SCARA3: variants seen among roughly 807,000 people sequenced by gnomAD.
SCARA3 encodes the protein cellular stress response gene protein.
A neutral mutation model predicts 47.0 loss-of-function variants in SCARA3; 39 were observed. The observed-to-expected ratio is 0.83, with a 90% CI of 0.64 to 1.08. The LOEUF (loss-of-function observed/expected upper bound fraction) is 1.08. Among genes scored for constraint, SCARA3 ranks in the 50% least tolerant of loss-of-function variants. SCARA3 has a pLI of 0.00. For synonymous variants in SCARA3, 356 were observed against 334.1 expected, an observed-to-expected ratio of 1.07 and a Z score of -0.71; for missense variants, 724 against 792.3, an observed-to-expected ratio of 0.91 and a Z score of 1.04.
intron 5 of SCARA3, among the ~76,000 whole-genome samples, chr8:27,660,573 G>A (rs1475754111): frequency 1.3e-5 from 2 of 150,752 alleles, no homozygotes; most frequent in Non-Finnish European, 2.9e-5. Context: ...TAGATAGATA[G>A]ATGATAGATA....
chr8:27,671,930 G>C lies in SCARA3; in HGVS notation c.*579G>C. ...CCCTCTCCTGTGACTGAGCCTGCCAGGGAGGCAGCTACCTCGGGAGGAAGG... is the reference window on the plus strand; with the variant it reads ...CCCTCTCCTGTGACTGAGCCTGCCACGGAGGCAGCTACCTCGGGAGGAAGG... On this transcript the variant is annotated 3_prime_UTR_variant, in exon 6 of 6. Transcript: ENST00000301904. 1 of 985,418 alleles carries C rather than the reference G, an allele frequency of 1.0e-6. No homozygotes were observed. Among genetic ancestry groups the C allele is most frequent in the Non-Finnish European group, 1.2e-6 (1 of 829,936 alleles). The allele number at this position is 985,418 out of a possible 1,614,324, so 61.0% of individuals were successfully genotyped here. A position where few individuals can be genotyped will look rare whatever the true frequency, so the allele number is the denominator to read the frequency against.
intron 4 of SCARA3, among the ~76,000 whole-genome samples, chr8:27,657,390 G>C (rs1332281685): frequency 2.7e-5 from 4 of 149,796 alleles, no homozygotes; most frequent in Non-Finnish European, 1.5e-5. Flanking sequence ...GTGACACTGA[G>C]GTTTGGGGGG....
the SCARA3 span, chr8:27,702,006 T>C: frequency 1.3e-5 from 2 of 152,344 alleles, no homozygotes; most frequent in South Asian, 2.1e-4. Context: ...GGGTGATGTA[T>C]GCTCAGTAAA....
the SCARA3 span, among the ~76,000 whole-genome samples, chr8:27,711,658 G>A: frequency 2.0e-5 from 3 of 152,052 alleles, no homozygotes; most frequent in Non-Finnish European, 2.9e-5. Context: ...CTCTTTGATG[G>A]ACAGAGCTAG....
chr8:27,692,881 T>A, the SCARA3 span, among the ~76,000 whole-genome samples: 4 of 152,088 alleles, frequency 2.6e-5, no homozygotes, highest in Admixed American at 6.5e-5. Flanking sequence ...TCCCAGCACC[T>A]TGAGAGGCCA....
chr8:27,643,507 C>T (rs1478093765), intron 1 of SCARA3, among the ~76,000 whole-genome samples: 2 of 152,114 alleles, frequency 1.3e-5, no homozygotes, highest in Non-Finnish European at 2.9e-5. Context: ...AGCGGGCAGG[C>T]GGATTCCCAA....
intron 2 of SCARA3, among the ~76,000 whole-genome samples, chr8:27,650,955 G>GCTCAAGTGATCCCCCTGC (rs1801618314): frequency 6.6e-6 from 1 of 152,082 alleles, no homozygotes; most frequent in African/African-American, 2.4e-5. Flanking sequence ...AAACTCCTGG[G>GCTCAAGTGATCCCCCTGC]CTCAAGTGAT....
At chr8:27,667,225 C>G (rs1309982243) in intron 5 of SCARA3, among the ~76,000 whole-genome samples, 1 of 152,242 alleles carries the variant, frequency 6.6e-6, no homozygotes, top group East Asian at 1.9e-4. Context: ...GACTTCCTCC[C>G]TAGCCAGACC....
At chr8:27,711,886 T>G in the SCARA3 span, among the ~76,000 whole-genome samples, 1 of 152,184 alleles carries the variant, frequency 6.6e-6, no homozygotes, top group African/African-American at 2.4e-5. Flanking sequence ...GTGTTTGTTA[T>G]AATTGATAAA....
the SCARA3 span, chr8:27,703,310 G>A: frequency 3.9e-5 from 6 of 152,656 alleles, no homozygotes; most frequent in South Asian, 2.1e-4. Flanking sequence ...CCAGGGATTC[G>A]TGCTGGGGGC....
At chr8:27,661,849 C>G (rs953617030) in intron 5 of SCARA3, among the ~76,000 whole-genome samples, 15 of 152,208 alleles carry the variant, frequency 9.9e-5, no homozygotes, top group African/African-American at 3.4e-4. Context: ...TCACCTTACT[C>G]ACAGGACATG....
At chr8:27,667,724 A>G (rs1052016339) in intron 5 of SCARA3, among the ~76,000 whole-genome samples, 16 of 152,172 alleles carry the variant, frequency 1.1e-4, no homozygotes, top group African/African-American at 3.4e-4. Context: ...GGGAGATTCA[A>G]GAAGGCATGG....
chr8:27,700,849 T>C, the SCARA3 span, among the ~76,000 whole-genome samples: 1 of 152,204 alleles, frequency 6.6e-6, no homozygotes, highest in African/African-American at 2.4e-5. Flanking sequence ...TGTGAAGTGG[T>C]ACAACCCTTT....
the SCARA3 span, among the ~76,000 whole-genome samples, chr8:27,696,956 A>G: frequency 6.6e-6 from 1 of 152,184 alleles, no homozygotes; most frequent in Non-Finnish European, 1.5e-5. Context: ...CTAAAATGAT[A>G]TCATGGTAAT....
At chr8:27,676,965 T>A (rs567198424), downstream of SCARA3, among the ~76,000 whole-genome samples, 13 of 152,250 alleles carry the variant, frequency 8.5e-5, no homozygotes, top group African/African-American at 2.9e-4. Flanking sequence ...CCTTCTGAAC[T>A]CCCAGACGAG....
At chr8:27,638,666 G>A (rs17057469) in intron 1 of SCARA3, among the ~76,000 whole-genome samples, 3,855 of 152,178 alleles carry the variant, frequency 0.025, 138 homozygotes, top group African/African-American at 0.084. Flanking sequence ...CCAGGTGCCC[G>A]GCTCTGTATG....
At chr8:27,657,088 G>A (rs1801759835) in intron 4 of SCARA3, among the ~76,000 whole-genome samples, 1 of 152,172 alleles carries the variant, frequency 6.6e-6, no homozygotes. Context: ...ACTGGAGCAG[G>A]GGATTCTGGG....
the SCARA3 span, among the ~76,000 whole-genome samples, chr8:27,687,419 A>G: frequency 6.6e-6 from 1 of 152,204 alleles, no homozygotes; most frequent in Non-Finnish European, 1.5e-5. Context: ...CATTAATAAA[A>G]GACCCTGGGT....
rs1395625107 is a variant in SCARA3, at chr8:27,658,548, G to A, written c.378G>A (p.Gly126=). 1 of 1,613,790 alleles carries A rather than the reference G, an allele frequency of 6.2e-7. No homozygotes were observed. Among genetic ancestry groups the A allele is most frequent in the Non-Finnish European group, 8.5e-7 (1 of 1,179,914 alleles). Residue 126 remains glycine (G), a synonymous_variant, in exon 5 of 6, where the codon GGG becomes GGA. Coordinates refer to ENST00000301904, the MANE Select transcript of SCARA3 (RefSeq NM_016240.3). ...TCTGCCATGAAGCTGGGCAGCTGGG[G>A]CCAGAGATCCGAAAACTGCAGGAGG... ...CSFCHEAGQL[G]PEIRKLQEEL... is the part of the protein sequence containing the mutation.
Sources: gnomAD v4.1 joint callset for allele counts (sites outside exome capture counted in the v4.1 genomes callset) on GRCh38, gnomAD v4.1.1 for gene constraint, MANE v1.5 for transcripts, NCBI Gene and HGNC (gene_info 2026-07-23, HGNC 2026-07-21) for gene names.